Variants in DIAPH3 observed in about 807,000 individuals in gnomAD.
DIAPH3 encodes diaphanous related formin 3.
In DIAPH3, 117 loss-of-function variants were observed where a neutral mutation model predicts 144.3. The observed-to-expected ratio is 0.81, with a 90% CI of 0.70 to 0.95. The LOEUF (loss-of-function observed/expected upper bound fraction) is 0.95. DIAPH3 is among the 40% of genes least tolerant of loss of function. The pLI is 0.00. For missense variants in DIAPH3, 1,421 were observed against 1,412.7 expected (o/e 1.01, Z -0.09); for synonymous variants, 519 against 488.9 (o/e 1.06, Z -0.81).
At chr13:59,923,798 C>A (rs1367794263) in intron 18 of DIAPH3, among the ~76,000 whole-genome samples, 1 of 152,080 alleles carries the variant, frequency 6.6e-6, no homozygotes, top group African/African-American at 2.4e-5. Flanking sequence ...TCTTGGCAGG[C>A]CTGCATTGTA....
chr13:60,000,918 GAAC>G (rs2052488086), intron 9 of DIAPH3, among the ~76,000 whole-genome samples: 1 of 152,080 alleles, frequency 6.6e-6, no homozygotes, highest in African/African-American at 2.4e-5. Context: ...CAATGTATAG[GAAC>G]AACATTAGAA....
At chr13:60,022,964 C>T (rs920728812) in intron 5 of DIAPH3, among the ~76,000 whole-genome samples, 4 of 152,026 alleles carry the variant, frequency 2.6e-5, no homozygotes, top group Admixed American at 2.6e-4. Context: ...TCATGATGAA[C>T]ATTGGTTTGT....
chr13:59,842,044 C>T (rs2042379337), intron 22 of DIAPH3, among the ~76,000 whole-genome samples: 1 of 151,960 alleles, frequency 6.6e-6, no homozygotes, highest in Admixed American at 6.6e-5. Flanking sequence ...CTGTCAGTAA[C>T]ATTTAAATAA....
At chr13:60,000,193 G>GA (rs2052440176) in intron 9 of DIAPH3, among the ~76,000 whole-genome samples, 1 of 151,952 alleles carries the variant, frequency 6.6e-6, no homozygotes, top group South Asian at 2.1e-4. Flanking sequence ...TTGCTTCCTT[G>GA]AAAAATATAT....
At chr13:59,749,614 C>A (rs940903030) in intron 27 of DIAPH3, among the ~76,000 whole-genome samples, 3 of 148,966 alleles carry the variant, frequency 2.0e-5, no homozygotes, top group Non-Finnish European at 4.4e-5. Flanking sequence ...GAAAGAATAT[C>A]TCAGATATAT....
At chr13:60,117,832 G>T (rs966264018) in intron 2 of DIAPH3, among the ~76,000 whole-genome samples, 1 of 152,012 alleles carries the variant, frequency 6.6e-6, no homozygotes, top group Non-Finnish European at 1.5e-5. Flanking sequence ...CTTGTATTTG[G>T]CAATTTGGCT....
intron 24 of DIAPH3, among the ~76,000 whole-genome samples, chr13:59,818,449 T>G (rs1255594915): frequency 6.6e-6 from 1 of 151,864 alleles, no homozygotes; most frequent in Non-Finnish European, 1.5e-5. Context: ...TAATTGTTGT[T>G]GCTTTGGGGG....
chr13:60,151,018 AC>A (rs2138398220), intron 1 of DIAPH3, among the ~76,000 whole-genome samples: 1 of 151,998 alleles, frequency 6.6e-6, no homozygotes, highest in Non-Finnish European at 1.5e-5. Flanking sequence ...CAGGCACCAA[AC>A]AAACCTCTGG....
rs1566680506 is a variant in DIAPH3, at chr13:60,028,929, T to TGG, written c.627-12785_627-12784insCC. On this transcript the variant is annotated intron_variant, in intron 5 of 27. Transcript: ENST00000400324. ...CAAAAATTAGCCAGGTGTGGTGGCA[T>TGG]GCGCCTGTAGTCCCAGCTACTCAGG... 1.1e-4 allele frequency among the ~76,000 whole-genome samples: 17 copies of TGG among 151,950 alleles called. No individual in the cohort carries two copies. The East Asian group carries it at 3.1e-3, about 28-fold the overall frequency.
intron 5 of DIAPH3, among the ~76,000 whole-genome samples, chr13:60,016,422 C>G (rs2053652809): frequency 6.6e-6 from 1 of 152,130 alleles, no homozygotes; most frequent in African/African-American, 2.4e-5. Flanking sequence ...ACGTGGGTAG[C>G]TTGAAATCAG....
At chr13:60,072,927 C>T (rs1404618065) in intron 4 of DIAPH3, among the ~76,000 whole-genome samples, 2 of 152,134 alleles carry the variant, frequency 1.3e-5, no homozygotes, top group Non-Finnish European at 2.9e-5. Context: ...ACAATAGTTA[C>T]CTCTGGGGGA....
intron 22 of DIAPH3, among the ~76,000 whole-genome samples, chr13:59,853,927 C>T (rs2139874469): frequency 6.6e-6 from 1 of 152,136 alleles, no homozygotes; most frequent in South Asian, 2.1e-4. Context: ...AGGACTTATG[C>T]CAAAGATGAC....
intron 2 of DIAPH3, 45 bp from the exon 3 acceptor site, chr13:60,112,231 C>T: frequency 6.2e-7 from 1 of 1,607,964 alleles, no homozygotes; most frequent in Non-Finnish European, 8.5e-7. Flanking sequence ...ATTTCCTTTC[C>T]CAACATTTAT....
chr13:59,972,815 C>T lies in DIAPH3; in HGVS notation c.1650+1537G>A, dbSNP rs376586448. Among the ~76,000 whole-genome samples, 7 of 152,296 alleles carry T rather than the reference C, an allele frequency of 4.6e-5. No homozygotes were observed. In the South Asian group the frequency reaches 1.0e-3, roughly 23 times the overall value. On this transcript the variant is annotated intron_variant, in intron 15 of 27. Coordinates refer to ENST00000400324, the MANE Select transcript of DIAPH3 (RefSeq NM_001042517.2). ...CAGACACTGTGACTATCTTGCTCAT[C>T]ACTATGTCTCTCCAGCACCTAAACT...
At chr13:60,091,019 A>G (rs2057911042) in intron 4 of DIAPH3, among the ~76,000 whole-genome samples, 1 of 152,236 alleles carries the variant, frequency 6.6e-6, no homozygotes, top group Non-Finnish European at 1.5e-5. Flanking sequence ...TGTTTCTTAA[A>G]ATTATGTTTA....
At position 60,049,521 on chromosome 13, in the gene DIAPH3, G is replaced by A. The variant is rs534692336; in HGVS notation, c.496-6701C>T. On this transcript the variant is annotated intron_variant, in intron 4 of 27. Coordinates refer to ENST00000400324, the MANE Select transcript of DIAPH3 (RefSeq NM_001042517.2). Reference sequence around the variant, plus strand: ...CCACCACTACTACAACCCTTACCCAGGCCTACTCCTAAACATTGGTTAGAC... The same window carrying A: ...CCACCACTACTACAACCCTTACCCAAGCCTACTCCTAAACATTGGTTAGAC... Among the ~76,000 whole-genome samples, 11 of 152,198 alleles carry A rather than the reference G, an allele frequency of 7.2e-5. No individual in the cohort carries two copies. In the South Asian group the frequency reaches 2.3e-3, roughly 32 times the overall value.
chr13:59,773,579 C>T (rs1366912633), intron 27 of DIAPH3, among the ~76,000 whole-genome samples: 1 of 152,154 alleles, frequency 6.6e-6, no homozygotes, highest in African/African-American at 2.4e-5. Flanking sequence ...AGCCAATCAA[C>T]ATGAAATGGT....
chr13:59,952,087 T>A (rs2049126796), intron 17 of DIAPH3, among the ~76,000 whole-genome samples: 1 of 152,114 alleles, frequency 6.6e-6, no homozygotes, highest in South Asian at 2.1e-4. Context: ...AAAAGAAACA[T>A]AGCACTGACA....
chr13:59,976,074 A>T (rs1184564651), intron 14 of DIAPH3, among the ~76,000 whole-genome samples: 1 of 151,796 alleles, frequency 6.6e-6, no homozygotes, highest in Non-Finnish European at 1.5e-5. Flanking sequence ...CTGTACTTTC[A>T]TCCCTCATTT....
Sources: allele counts gnomAD v4.1 joint callset (sites outside exome capture counted in the v4.1 genomes callset), GRCh38; gene constraint gnomAD v4.1.1; transcripts MANE v1.5; gene names NCBI Gene and HGNC (gene_info 2026-07-23, HGNC 2026-07-21).